The following PPARGC1A variants were observed in gnomAD, a reference collection of about 807,000 sequenced individuals.
The protein encoded by PPARGC1A is peroxisome proliferator-activated receptor gamma coactivator 1-alpha.
In PPARGC1A, 25 loss-of-function variants were observed where a neutral mutation model predicts 88.7. That is an observed-to-expected ratio of 0.28 (90% CI 0.21 to 0.39). PPARGC1A has a LOEUF of 0.39. Among genes scored for constraint, PPARGC1A ranks in the 10% least tolerant of loss-of-function variants. The pLI, the probability that PPARGC1A is intolerant of heterozygous loss-of-function variation, is 1.00. For synonymous variants in PPARGC1A, 363 were observed against 355.6 expected, an observed-to-expected ratio of 1.02 and a Z score of -0.24; for missense variants, 880 against 968.7, an observed-to-expected ratio of 0.91 and a Z score of 1.22.
upstream of PPARGC1A, among the ~76,000 whole-genome samples, chr4:23,892,405 T>C (rs1717972469): frequency 1.3e-5 from 2 of 150,868 alleles, no homozygotes; most frequent in East Asian, 2.0e-4. Flanking sequence ...CAAAATTAAA[T>C]AGATTCCTAG....
At chr4:23,960,782 C>T in the PPARGC1A span, among the ~76,000 whole-genome samples, 1 of 152,078 alleles carries the variant, frequency 6.6e-6, no homozygotes, top group Non-Finnish European at 1.5e-5. Flanking sequence ...AGGCCTCGGG[C>T]TCCCCTTAAT....
At chr4:23,826,017 T>C (rs1003301515) in intron 5 of PPARGC1A, among the ~76,000 whole-genome samples, 2 of 152,154 alleles carry the variant, frequency 1.3e-5, no homozygotes, top group Non-Finnish European at 2.9e-5. Context: ...ACACAATAAA[T>C]GTACATTGAA....
intron 2 of PPARGC1A, among the ~76,000 whole-genome samples, chr4:23,857,020 A>G (rs938592065): frequency 6.6e-6 from 1 of 152,166 alleles, no homozygotes; most frequent in African/African-American, 2.4e-5. Flanking sequence ...TACTTTCCTT[A>G]TATTATTTCT....
the PPARGC1A span, among the ~76,000 whole-genome samples, chr4:23,995,660 A>C: frequency 1.3e-5 from 2 of 152,004 alleles, no homozygotes; most frequent in Non-Finnish European, 2.9e-5. Context: ...ACCCTCCTCC[A>C]TTGCACAAAG....
At chr4:24,091,370 C>A in the PPARGC1A span, 1 of 894,608 alleles carries the variant, frequency 1.1e-6, no homozygotes, top group Non-Finnish European at 1.3e-6. Context: ...TTGCAGATAG[C>A]ACAGTTCCAC....
At chr4:23,932,615 A>T in the PPARGC1A span, among the ~76,000 whole-genome samples, 5 of 152,240 alleles carry the variant, frequency 3.3e-5, no homozygotes, top group Admixed American at 6.5e-5. Context: ...TTAAAAAAAT[A>T]AAATACAAGA....
the PPARGC1A span, among the ~76,000 whole-genome samples, chr4:24,058,275 A>G: frequency 6.6e-6 from 1 of 152,206 alleles, no homozygotes; most frequent in African/African-American, 2.4e-5. Flanking sequence ...ACCTCCAAGA[A>G]CAAAATTGAC....
At chr4:24,190,227 A>G in the PPARGC1A span, among the ~76,000 whole-genome samples, 1 of 151,814 alleles carries the variant, frequency 6.6e-6, no homozygotes, top group Non-Finnish European at 1.5e-5. Context: ...AAAATAAAAT[A>G]AAATATGGGC....
the PPARGC1A span, among the ~76,000 whole-genome samples, chr4:24,248,285 C>T: frequency 1.2e-4 from 19 of 152,156 alleles, no homozygotes; most frequent in Middle Eastern, 3.4e-3. Flanking sequence ...CCACCACGCC[C>T]GGCTAATTGT....
chr4:23,799,419 G>A (rs924200677), intron 12 of PPARGC1A, among the ~76,000 whole-genome samples: 1 of 152,124 alleles, frequency 6.6e-6, no homozygotes, highest in African/African-American at 2.4e-5. Flanking sequence ...ACACTATATG[G>A]TATTTTACAA....
the PPARGC1A span, among the ~76,000 whole-genome samples, chr4:24,084,902 C>T: frequency 2.6e-5 from 4 of 152,146 alleles, no homozygotes; most frequent in East Asian, 3.9e-4. Flanking sequence ...TCTTCTATGG[C>T]GTCTGTGATC....
chr4:23,867,368 T>A (rs1269658358), intron 2 of PPARGC1A, among the ~76,000 whole-genome samples: 1 of 152,238 alleles, frequency 6.6e-6, no homozygotes, highest in Non-Finnish European at 1.5e-5. Context: ...CATGTAGTTG[T>A]TGCTTTTTAA....
chr4:24,163,705 G>A, the PPARGC1A span, among the ~76,000 whole-genome samples: 1 of 152,200 alleles, frequency 6.6e-6, no homozygotes, highest in Non-Finnish European at 1.5e-5. Context: ...CCAACTAGAA[G>A]TCAAACATTA....
chr4:23,987,319 T>C, the PPARGC1A span, among the ~76,000 whole-genome samples: 2 of 152,032 alleles, frequency 1.3e-5, no homozygotes, highest in Non-Finnish European at 2.9e-5. Flanking sequence ...CAGGATTTCT[T>C]TTACTACAGA....
the PPARGC1A span, among the ~76,000 whole-genome samples, chr4:24,194,668 ACC>A: frequency 2.0e-3 from 24 of 12,282 alleles, no homozygotes; most frequent in South Asian, 0.047. Context: ...ACACACACAC[ACC>A]CCCATCAAGA....
At chr4:24,221,367 T>C in the PPARGC1A span, among the ~76,000 whole-genome samples, 1 of 152,172 alleles carries the variant, frequency 6.6e-6, no homozygotes, top group South Asian at 2.1e-4. Flanking sequence ...AGACGTACAA[T>C]GGTATTATCT....
At chr4:23,897,499 G>A (rs564659345) in intron 1 of PPARGC1A, among the ~76,000 whole-genome samples, 1 of 152,302 alleles carries the variant, frequency 6.6e-6, no homozygotes, top group South Asian at 2.1e-4. Flanking sequence ...TTAAATCAAA[G>A]ATCTCTGCCA....
the PPARGC1A span, among the ~76,000 whole-genome samples, chr4:24,237,084 T>C: frequency 1.7e-4 from 26 of 152,218 alleles, no homozygotes; most frequent in Admixed American, 1.7e-3. Context: ...ATGAAGCCTT[T>C]TGTAGCTTGG....
chr4:24,046,590 A>G, the PPARGC1A span, among the ~76,000 whole-genome samples: 1 of 152,194 alleles, frequency 6.6e-6, no homozygotes. Context: ...CTTTGTGCTC[A>G]GGATAAAATC....
Sources: allele counts gnomAD v4.1 joint callset (sites outside exome capture counted in the v4.1 genomes callset), GRCh38; gene constraint gnomAD v4.1.1; transcripts MANE v1.5; gene names NCBI Gene and HGNC (gene_info 2026-07-23, HGNC 2026-07-21).